The following EPB41L2 variants were observed in gnomAD, a reference collection of about 807,000 sequenced individuals.
EPB41L2 encodes the protein band 4.1-like protein 2.
A neutral mutation model predicts 113.0 loss-of-function variants in EPB41L2; 43 were observed. The observed-to-expected ratio is 0.38, with a 90% CI of 0.30 to 0.49. EPB41L2 has a LOEUF of 0.49. EPB41L2 is among the 20% of genes least tolerant of loss of function. EPB41L2 has a pLI of 0.95. For missense variants in EPB41L2, 1,147 were observed against 1,223.4 expected (o/e 0.94, Z 0.93); for synonymous variants, 442 against 436.7 (o/e 1.01, Z -0.15).
intron 1 of EPB41L2, among the ~76,000 whole-genome samples, chr6:130,994,705 T>C (rs533294633): frequency 1.3e-5 from 2 of 152,106 alleles, no homozygotes; most frequent in South Asian, 4.2e-4. Context: ...TAGAAAAGTA[T>C]AGGTACTGTG....
At position 130,955,987 on chromosome 6, in the gene EPB41L2, A is replaced by G. The variant is rs1562582662; in HGVS notation, c.492+7T>C. 1.2e-6 allele frequency: 2 copies of G among 1,603,724 alleles called. No homozygotes were observed. The highest frequency in any genetic ancestry group is 1.7e-6 in the Non-Finnish European group (2 of 1,176,744). On this transcript the variant is annotated splice_region_variant and intron_variant, in intron 2 of 19. Coordinates refer to ENST00000337057, the MANE Select transcript of EPB41L2 (RefSeq NM_001431.4). ...TTTCATTTCCAGGCAATTATTCCCA[A>G]ACATACCTGCATCTCCACTTTGCTC...
chr6:130,966,431 T>A (rs1011853488), intron 1 of EPB41L2, among the ~76,000 whole-genome samples: 2 of 152,192 alleles, frequency 1.3e-5, no homozygotes, highest in African/African-American at 4.8e-5. Flanking sequence ...ATAGGATACC[T>A]TATACAGACA....
Position 130,865,623 on chromosome 6 carries a change from C to G in EPB41L2, c.2742G>C (p.Gly914=). 1 of 1,614,140 alleles carries G rather than the reference C, an allele frequency of 6.2e-7. No homozygotes were observed. The change falls in exon 17 of 20, where the codon GGG becomes GGC. Residue 914 remains glycine, a synonymous_variant. Coordinates refer to ENST00000337057, the MANE Select transcript of EPB41L2 (RefSeq NM_001431.4). ...GTAACGTGCCCGAATCACCACCAGC[C>G]CCGCCATCAATCTTTGGATAGTTGG... The part of the protein sequence containing the change: ...ITYESPQIDG[G]AGGDSGTLLT...
intron 1 of EPB41L2, among the ~76,000 whole-genome samples, chr6:131,030,739 G>A (rs188959641): frequency 6.6e-6 from 1 of 152,172 alleles, no homozygotes; most frequent in African/African-American, 2.4e-5. Context: ...ATTAATTGCG[G>A]TCCTCTGCCT....
chr6:130,959,534 G>GT (rs1346904107), intron 1 of EPB41L2, among the ~76,000 whole-genome samples: 2 of 152,152 alleles, frequency 1.3e-5, no homozygotes, highest in Admixed American at 1.3e-4. Flanking sequence ...GCAATGCTAC[G>GT]TAAGAGGGAA....
In EPB41L2 at chr6:130,878,243, T is replaced by C. The variant is rs1462944699; in HGVS notation, c.1904A>G (p.Asp635Gly). The C allele has an allele frequency of 1.6e-5, 26 of 1,609,132 alleles. No individual in the cohort carries two copies. The highest frequency in any genetic ancestry group is 2.1e-5 in the Non-Finnish European group (25 of 1,178,438). Residue 635 changes from aspartate (D) to glycine (G), a missense_variant, in exon 14 of 20, where the codon GAT becomes GGT. By Grantham distance (94) the Asp-to-Gly change is moderately conservative. Coordinates refer to ENST00000337057, the MANE Select transcript of EPB41L2 (RefSeq NM_001431.4). ...TTTCAGTATGTCCTCCTGGGCCTTA[T>C]CCAGTTCCTAGCAATATGTAACGTA... ...RHSNLMLEELDKAQEDILKHQ... is the reference protein window; with the variant it reads ...RHSNLMLEELGKAQEDILKHQ...
chr6:130,854,951 T>C (rs566309221), intron 19 of EPB41L2, among the ~76,000 whole-genome samples: 2 of 152,012 alleles, frequency 1.3e-5, no homozygotes, highest in South Asian at 2.1e-4. Flanking sequence ...AGGAGAAGAA[T>C]TGCTTGAACC....
chr6:131,051,844 T>C (rs1796627856), intron 1 of EPB41L2, among the ~76,000 whole-genome samples: 1 of 152,104 alleles, frequency 6.6e-6, no homozygotes, highest in Non-Finnish European at 1.5e-5. Context: ...CATGCAAGCC[T>C]CAAGAAACTC....
At chr6:130,910,918 CTG>C (rs1285776293) in intron 4 of EPB41L2, among the ~76,000 whole-genome samples, 1 of 152,204 alleles carries the variant, frequency 6.6e-6, no homozygotes, top group Non-Finnish European at 1.5e-5. Flanking sequence ...CACTTTTACA[CTG>C]TTGGTGGGAG....
At chr6:130,997,107 A>C (rs1783313977) in intron 1 of EPB41L2, among the ~76,000 whole-genome samples, 1 of 152,154 alleles carries the variant, frequency 6.6e-6, no homozygotes, top group South Asian at 2.1e-4. Context: ...AAATCACTGG[A>C]CTCTGAGAAG....
chr6:131,005,413 C>A (rs1408155094), intron 1 of EPB41L2, among the ~76,000 whole-genome samples: 1 of 152,082 alleles, frequency 6.6e-6, no homozygotes, highest in Admixed American at 6.5e-5. Flanking sequence ...CCCAGTCTGA[C>A]AATGAAGCTG....
chr6:130,880,789 G>C, intron 12 of EPB41L2: 1 of 342,192 alleles, frequency 2.9e-6, no homozygotes. Flanking sequence ...AAGAATATGA[G>C]AGTGCAAAAA....
chr6:130,956,702 C>G (rs1386590888), intron 1 of EPB41L2, among the ~76,000 whole-genome samples: 4 of 152,166 alleles, frequency 2.6e-5, no homozygotes, highest in African/African-American at 9.7e-5. Context: ...GCATCACAGA[C>G]CCAAAACTAG....
At chr6:131,047,683 A>C (rs912083240) in intron 1 of EPB41L2, among the ~76,000 whole-genome samples, 2 of 152,220 alleles carry the variant, frequency 1.3e-5, no homozygotes, top group Admixed American at 1.3e-4. Flanking sequence ...GCCAGACAGA[A>C]CCATATACAA....
At chr6:130,959,592 G>A (rs540150108) in intron 1 of EPB41L2, among the ~76,000 whole-genome samples, 9 of 152,284 alleles carry the variant, frequency 5.9e-5, no homozygotes, top group African/African-American at 2.2e-4. Flanking sequence ...TCATTCTCAG[G>A]CATCTGAAAT....
intron 11 of EPB41L2, among the ~76,000 whole-genome samples, chr6:130,890,025 CA>C (rs1792270492): frequency 2.0e-5 from 3 of 151,692 alleles, no homozygotes; most frequent in African/African-American, 7.3e-5. Context: ...GATTTTGGAG[CA>C]TTTCAGATTT....
chr6:131,033,723 C>T (rs986228378), intron 1 of EPB41L2, among the ~76,000 whole-genome samples: 12 of 152,100 alleles, frequency 7.9e-5, no homozygotes, highest in Non-Finnish European at 1.5e-5. Flanking sequence ...TTATGAAGTA[C>T]TGAGAATAGG....
At chr6:130,993,975 C>T (rs1261341406) in intron 1 of EPB41L2, among the ~76,000 whole-genome samples, 1 of 152,094 alleles carries the variant, frequency 6.6e-6, no homozygotes, top group Non-Finnish European at 1.5e-5. Context: ...GCTCTGTTAC[C>T]GACTTTAAGC....
chr6:130,915,109 C>A (rs1335932049), intron 4 of EPB41L2, among the ~76,000 whole-genome samples: 1 of 151,920 alleles, frequency 6.6e-6, no homozygotes, highest in Admixed American at 6.6e-5. Context: ...CGAGACCATC[C>A]CGGCTAAAAC....
Sources: allele counts gnomAD v4.1 joint callset (sites outside exome capture counted in the v4.1 genomes callset), GRCh38; gene constraint gnomAD v4.1.1; transcripts MANE v1.5; gene names NCBI Gene and HGNC (gene_info 2026-07-23, HGNC 2026-07-21).